RSPH4A: variants seen among roughly 807,000 people sequenced by gnomAD.
RSPH4A encodes radial spoke head component 4A.
RSPH4A carries 47 observed loss-of-function variants against 71.0 expected under a neutral mutation model. The observed-to-expected ratio is 0.66, with a 90% confidence interval of 0.52 to 0.84. The LOEUF is 0.84. Ranked by LOEUF, RSPH4A falls within the 40% of genes least tolerant of loss-of-function variation. The probability of loss-of-function intolerance (pLI) is 0.00; values close to 1 mark genes in which losing one functional copy is unlikely to be tolerated. For missense variants in RSPH4A, 793 were observed against 855.2 expected (o/e 0.93, Z 0.91); for synonymous variants, 282 against 302.3 (o/e 0.93, Z 0.70).
chr6:116,622,228 A>G (rs1562389652), intron 1 of RSPH4A, among the ~76,000 whole-genome samples: 1 of 152,212 alleles, frequency 6.6e-6, no homozygotes, highest in Non-Finnish European at 1.5e-5. Context: ...AAGAGAACAG[A>G]TCTTAAAGAC....
At chr6:116,630,391 G>C (rs1775774413) in intron 4 of RSPH4A, 44 bp from the exon 5 acceptor site, 1 of 983,482 alleles carries the variant, frequency 1.0e-6, no homozygotes, top group African/African-American at 1.6e-5. Flanking sequence ...GTAGATTCTT[G>C]TCTAGTTAGG....
In RSPH4A at chr6:116,616,846, G is replaced by A; in HGVS notation, c.223G>A (p.Ala75Thr). 1.9e-6 allele frequency: 3 copies of A among 1,614,096 alleles called. No individual in the cohort carries two copies. The highest frequency in any genetic ancestry group is 2.5e-6 in the Non-Finnish European group (3 of 1,179,982). The change falls in exon 1 of 6, where the codon GCG becomes ACG. Residue 75 changes from alanine to threonine, a missense_variant. Transcript: ENST00000229554. Reference sequence around the variant, plus strand: ...AGCCAAGACGCCTCTGGGTGGCCCCGCGGGACCAGAAACATCATCACCTGC... The same window carrying A: ...AGCCAAGACGCCTCTGGGTGGCCCCACGGGACCAGAAACATCATCACCTGC... ...SRAKTPLGGP[A>T]GPETSSPAPV...
chr6:116,632,439 T>A lies in RSPH4A; in HGVS notation c.2149T>A (p.Ter717LysextTer1), dbSNP rs1248833777. The change falls in exon 6 of 6, where the codon TAA (stop) becomes AAA (lysine). Residue 717 changes from the stop codon to lysine (K), a stop_lost. Transcript: ENST00000229554. ...TGAAGATGAGGAAGATGATTATGAC[T>A]AATAAACATAAAATTAGCCTGGTTT... ...EDEDEEDDYD[*>K] 1.2e-6 allele frequency: 2 copies of A among 1,609,870 alleles called. No individual in the cohort carries two copies. Among genetic ancestry groups the A allele is most frequent in the African/African-American group, 1.3e-5 (1 of 74,994 alleles).
At chr6:116,627,605 T>C (rs1775717367) in intron 2 of RSPH4A, 24 bp from the exon 3 acceptor site, 1 of 1,569,572 alleles carries the variant, frequency 6.4e-7, no homozygotes, top group African/African-American at 1.4e-5. Context: ...TGATAAATTT[T>C]AACCACAGCA....
rs149281216 is a variant in RSPH4A, at chr6:116,632,478, TACAC to T, written c.*44_*47del. 2.2e-3 allele frequency: 3,467 copies of T among 1,581,062 alleles called. 78 individuals are homozygous for T. In the African/African-American group the frequency reaches 0.042, roughly 19 times the overall value. On this transcript the variant is annotated 3_prime_UTR_variant, in exon 6 of 6. Transcript: ENST00000229554. ...TTAGCCTGGTTTTATGTGACACTGA[TACAC>T]ACACACCCCTTATATGGGACTAATT...
chr6:116,616,729 G>A lies in RSPH4A; in HGVS notation c.106G>A (p.Glu36Lys). 6.2e-7 allele frequency: 1 copy of A among 1,613,734 alleles called. No individual in the cohort carries two copies. ...GKTAASPQYS[E>K]PESSEPLEAK... The stretch of plus-strand genomic sequence containing the variant: ...GACAGCAGCTTCTCCCCAATATTCT[G>A]AGCCTGAGTCGTCTGAGCCCTTGGA... Residue 36 changes from glutamate to lysine, a missense_variant, in exon 1 of 6, where the codon GAG becomes AAG. By Grantham distance (56) the Glu-to-Lys change is moderately conservative. Coordinates refer to ENST00000229554, the MANE Select transcript of RSPH4A (RefSeq NM_001010892.3).
rs1436491672 is a variant in RSPH4A, at chr6:116,628,086, A to G, written c.1379A>G (p.Lys460Arg). ...AQIVIARKIK[K>R]FFTGRLDAPI... Reference sequence around the variant, plus strand: ...ATTGTTATTGCAAGAAAAATCAAGAAATTTTTCACTGGGCGATTGGATGCT... The same window carrying G: ...ATTGTTATTGCAAGAAAAATCAAGAGATTTTTCACTGGGCGATTGGATGCT... Residue 460 changes from lysine to arginine, a missense_variant, in exon 3 of 6, where the codon AAA (lysine) becomes AGA (arginine). Physicochemically the swap from Lys to Arg is conservative, Grantham distance 26 (BLOSUM62 2). Coordinates refer to ENST00000229554, the MANE Select transcript of RSPH4A (RefSeq NM_001010892.3). 1.9e-5 allele frequency: 31 copies of G among 1,614,062 alleles called. No individual in the cohort carries two copies. Among genetic ancestry groups the G allele is most frequent in the African/African-American group, 2.7e-5 (2 of 74,922 alleles).
intron 1 of RSPH4A, among the ~76,000 whole-genome samples, chr6:116,618,555 C>T (rs556748146): frequency 6.6e-6 from 1 of 152,326 alleles, no homozygotes; most frequent in South Asian, 2.1e-4. Flanking sequence ...GCTCTGTCGC[C>T]CAGGCTGGAG....
chr6:116,628,496 A>T (rs1186795733), intron 3 of RSPH4A, 127 bp downstream of exon 3: 25 of 754,640 alleles, frequency 3.3e-5, no homozygotes, highest in Non-Finnish European at 5.0e-5. Flanking sequence ...GAAAAGAGAT[A>T]ATTAAAAACA....
At chr6:116,631,179 G>A (rs1775799130) in intron 5 of RSPH4A, among the ~76,000 whole-genome samples, 1 of 152,002 alleles carries the variant, frequency 6.6e-6, no homozygotes, top group South Asian at 2.1e-4. Flanking sequence ...GATTATTTGG[G>A]TAATGACTTA....
rs778146751 is a variant in RSPH4A, at chr6:116,617,051, G to A, written c.428G>A (p.Ser143Asn). 8 of 1,614,180 alleles carry A rather than the reference G, an allele frequency of 5.0e-6. No homozygotes were observed. Among genetic ancestry groups the A allele is most frequent in the Non-Finnish European group, 5.9e-6 (7 of 1,180,044 alleles). ...DKRESTPHHT[S>N]QSEGNTFQQS... ...AGAGAATCAACTCCTCATCACACAAGCCAGTCAGAAGGAAACACCTTTCAA... is the reference window on the plus strand; with the variant it reads ...AGAGAATCAACTCCTCATCACACAAACCAGTCAGAAGGAAACACCTTTCAA... Residue 143 changes from serine to asparagine, a missense_variant, in exon 1 of 6, where the codon AGC becomes AAC. By Grantham distance (46) the Ser-to-Asn change is conservative (BLOSUM62 1). Coordinates refer to ENST00000229554, the MANE Select transcript of RSPH4A (RefSeq NM_001010892.3).
At chr6:116,629,750 T>TGC in intron 4 of RSPH4A, 48 bp downstream of exon 4, 1 of 1,509,774 alleles carries the variant, frequency 6.6e-7, no homozygotes, top group Non-Finnish European at 9.2e-7. Flanking sequence ...AACAATATAA[T>TGC]ATACTGTGTG....
rs540654185 is a variant in RSPH4A, at chr6:116,631,090, C to T, written c.1916+538C>T. Among the ~76,000 whole-genome samples the T allele has an allele frequency of 9.2e-5, 14 of 152,096 alleles. No individual in the cohort carries two copies. In the East Asian group the frequency reaches 2.3e-3, roughly 25 times the overall value. On this transcript the variant is annotated intron_variant, in intron 5 of 5. Transcript: ENST00000229554. ...ACACAATAAAACATCAAATTCAGGA[C>T]ATTAAGTAGTAATTTGGACTTTTAC...
In RSPH4A at chr6:116,616,967, G is replaced by C; in HGVS notation, c.344G>C (p.Ser115Thr). 1 of 1,614,194 alleles carries C rather than the reference G, an allele frequency of 6.2e-7. No individual in the cohort carries two copies. Among genetic ancestry groups the C allele is most frequent in the Non-Finnish European group, 8.5e-7 (1 of 1,180,022 alleles). Residue 115 changes from serine to threonine, a missense_variant, in exon 1 of 6, where the codon AGT (serine) becomes ACT (threonine). Transcript: ENST00000229554. Reference protein sequence around the residue: ...AAPPQSDRTTSVIPEAGTPYP... With the variant: ...AAPPQSDRTTTVIPEAGTPYP... ...CCACCTCAGTCGGACAGGACCACGA[G>C]TGTGATTCCTGAAGCTGGGACACCT...
At chr6:116,628,991 ATAAC>A (rs1775746672) in intron 3 of RSPH4A, among the ~76,000 whole-genome samples, 1 of 152,240 alleles carries the variant, frequency 6.6e-6, no homozygotes. Flanking sequence ...CAAAAGGAAC[ATAAC>A]TAATAAGGAA....
intron 4 of RSPH4A, among the ~76,000 whole-genome samples, 159 bp from the exon 5 acceptor site, chr6:116,630,276 A>C (rs1775771471): frequency 6.6e-6 from 1 of 150,972 alleles, no homozygotes; most frequent in South Asian, 2.1e-4. Context: ...TACCCTCCTG[A>C]TTTTGTTAAG....
In RSPH4A at chr6:116,622,674, A is replaced by G. The variant is rs116091606; in HGVS notation, c.687-94A>G. The G allele has an allele frequency of 6.3e-5, 52 of 824,528 alleles. No homozygotes were observed. In the African/African-American group the frequency reaches 8.1e-4, roughly 13 times the overall value. 51.1% of individuals were successfully genotyped at this position (824,528 alleles called of 1,614,324 possible). ...TTTTTTTCTTTTTCATTTAACGTCT[A>G]TATTTATCTAATGACCCCAGAAATG... On this transcript the variant is annotated intron_variant, in intron 1 of 5. Transcript: ENST00000229554.
At chr6:116,626,403 G>A (rs1775693799) in intron 2 of RSPH4A, among the ~76,000 whole-genome samples, 1 of 151,524 alleles carries the variant, frequency 6.6e-6, no homozygotes, top group South Asian at 2.1e-4. Context: ...GTGCAGTGGC[G>A]CGATCTCGGC....
At position 116,616,574 on chromosome 6, in the gene RSPH4A, T is replaced by A. The variant is rs1775505157; in HGVS notation, c.-50T>A. 2 of 1,496,360 alleles carry A rather than the reference T, an allele frequency of 1.3e-6. No individual in the cohort carries two copies. The highest frequency in any genetic ancestry group is 4.7e-5 in the East Asian group (2 of 42,424). The allele number at this position is 1,496,360 out of a possible 1,614,324, so 92.7% of individuals were successfully genotyped here. ...AACTTAACTGAGTTGCCTTCTTCCATATTTTCACGCCCCTTTCATCCAGAA... is the reference window on the plus strand; with the variant it reads ...AACTTAACTGAGTTGCCTTCTTCCAAATTTTCACGCCCCTTTCATCCAGAA... On this transcript the variant is annotated 5_prime_UTR_variant, in exon 1 of 6. Transcript: ENST00000229554.
Sources: allele counts gnomAD v4.1 joint callset (sites outside exome capture counted in the v4.1 genomes callset), GRCh38; gene constraint gnomAD v4.1.1; transcripts MANE v1.5; gene names NCBI Gene and HGNC (gene_info 2026-07-23, HGNC 2026-07-21).